NEU1: variants seen among roughly 807,000 people sequenced by gnomAD.
NEU1 encodes sialidase-1.
A neutral mutation model predicts 38.3 loss-of-function variants in NEU1; 32 were observed. That is an observed-to-expected ratio of 0.84 (90% CI 0.63 to 1.12). The LOEUF (loss-of-function observed/expected upper bound fraction) is 1.12, where lower values mean the gene tolerates loss of function less well. NEU1 is among the 50% of genes most tolerant of loss of function. The pLI is 0.00. For synonymous variants in NEU1, 192 were observed against 225.2 expected (o/e 0.85, Z 1.32); for missense variants, 431 against 549.2 (o/e 0.78, Z 2.15).
rs1263545300 is a variant in NEU1 at position 31,860,516 on chromosome 6, G to T, written c.721C>A (p.Arg241Ser). 1.2e-6 allele frequency: 2 copies of T among 1,614,026 alleles called. No homozygotes were observed. Among genetic ancestry groups the T allele is most frequent in the Non-Finnish European group, 1.7e-6 (2 of 1,180,002 alleles). The change falls in exon 4 of 6, where the codon CGC (arginine) becomes AGC (serine). Residue 241 changes from arginine to serine, a missense_variant. Transcript: ENST00000375631. This position sits in a 1 kb window ranked among gnomAD's most constrained non-coding sequence, Gnocchi z 4.8. ...LLSDDHGASW[R>S]YGSGVSGIPY... Reference sequence around the variant, plus strand: ...ATGCCGCTGACCCCACTTCCGTAGCGCCAGGAGGCACCATGATCATCGCTG... The same window carrying T: ...ATGCCGCTGACCCCACTTCCGTAGCTCCAGGAGGCACCATGATCATCGCTG...
rs746511053 is a variant in NEU1 at position 31,857,814 on chromosome 6, A to AC, written c.*1904dup. On this transcript the variant is annotated 3_prime_UTR_variant, in exon 6 of 6. Coordinates refer to ENST00000375631, the MANE Select transcript of NEU1 (RefSeq NM_000434.4). ...TCCCATCTGCATTTCACACACTTGCACCCTATTTCATGGAGGATGGTATCC... is the reference window on the plus strand; with the variant it reads ...TCCCATCTGCATTTCACACACTTGCACCCCTATTTCATGGAGGATGGTATCC... 1 of 151,908 alleles carries AC rather than the reference A, an allele frequency of 6.6e-6. No individual in the cohort carries two copies. Among genetic ancestry groups the AC allele is most frequent in the Non-Finnish European group, 1.5e-5 (1 of 67,996 alleles). The allele number at this position is 151,908 out of a possible 1,614,324, so 9.4% of individuals were successfully genotyped here.
In NEU1 at chr6:31,860,372, G is replaced by C; in HGVS notation, c.798+67C>G. 6.2e-7 allele frequency: 1 copy of C among 1,607,700 alleles called. No homozygotes were observed. The highest frequency in any genetic ancestry group is 8.5e-7 in the Non-Finnish European group (1 of 1,174,330). ...TGGAGCAGTCAGACCCTGGGTCTGT[G>C]CGTGAAATGATGTTCTGGAGGGCAG... On this transcript the variant is annotated intron_variant, in intron 4 of 5. Transcript: ENST00000375631. The surrounding 1 kb of genome is among the most constrained non-coding windows in gnomAD (Gnocchi z 4.8).
In NEU1 at chr6:31,860,988, G is replaced by A; in HGVS notation, c.615+200C>T. The A allele has an allele frequency of 2.8e-6, 2 of 707,268 alleles. No individual in the cohort carries two copies. Among genetic ancestry groups the A allele is most frequent in the African/African-American group, 1.8e-5 (1 of 55,968 alleles). 43.8% of individuals were successfully genotyped at this position (707,268 alleles called of 1,614,324 possible). A position where few individuals can be genotyped will look rare whatever the true frequency, so the allele number is the denominator to read the frequency against. On this transcript the variant is annotated intron_variant, in intron 3 of 5. Transcript: ENST00000375631. The surrounding 1 kb of genome is among the most constrained non-coding windows in gnomAD (Gnocchi z 4.8). ...GGACTAACGCAGTCCTGTTGACAAT[G>A]CCAAATGGGAAGCCAATGGCAGAGT...
Position 31,859,310 on chromosome 6 carries a change from C to G in NEU1, c.*409G>C, listed in dbSNP as rs1421151792. 15 of 360,186 alleles carry G rather than the reference C, an allele frequency of 4.2e-5. No individual in the cohort carries two copies. The East Asian group carries it at 7.4e-4, about 18-fold the overall frequency. 22.3% of individuals were successfully genotyped at this position (360,186 alleles called of 1,614,324 possible). A position where few individuals can be genotyped will look rare whatever the true frequency, so the allele number is the denominator to read the frequency against. On this transcript the variant is annotated 3_prime_UTR_variant, in exon 6 of 6. Transcript: ENST00000375631. ...ACTCTGAAACCAAATATCCTGCCATCTGGGGACTTTCACCAGCCCTGTCGG... is the reference window on the plus strand; with the variant it reads ...ACTCTGAAACCAAATATCCTGCCATGTGGGGACTTTCACCAGCCCTGTCGG...
intron 2 of NEU1, chr6:31,861,651 A>G: frequency 1.5e-6 from 1 of 666,432 alleles, no homozygotes; most frequent in African/African-American, 1.8e-5. Flanking sequence ...ACAGACAAAA[A>G]AGTTTACTTG....
At chr6:31,861,090 A>G (rs1762489094) in intron 3 of NEU1, 98 bp downstream of exon 3, 9 of 1,560,434 alleles carry the variant, frequency 5.8e-6, no homozygotes, top group Non-Finnish European at 7.9e-6. Flanking sequence ...AGAAAATCTG[A>G]CTTCAGAGAA....
Position 31,859,347 on chromosome 6 carries a change from C to A in NEU1, c.*372G>T, listed in dbSNP as rs1470870417. Reference sequence around the variant, plus strand: ...ACCAGCCCTGTCGGTTATCTTACCGCAACACCAAAGAGGAGGCTCAGCCTT... The same window carrying A: ...ACCAGCCCTGTCGGTTATCTTACCGAAACACCAAAGAGGAGGCTCAGCCTT... On this transcript the variant is annotated 3_prime_UTR_variant, in exon 6 of 6. Coordinates refer to ENST00000375631, the MANE Select transcript of NEU1 (RefSeq NM_000434.4). 6 of 412,626 alleles carry A rather than the reference C, an allele frequency of 1.5e-5. No individual in the cohort carries two copies. In the East Asian group the frequency reaches 3.0e-4, roughly 20 times the overall value. The allele number at this position is 412,626 out of a possible 1,614,324, so 25.6% of individuals were successfully genotyped here. A position where few individuals can be genotyped will look rare whatever the true frequency, so the allele number is the denominator to read the frequency against.
intron 3 of NEU1, 21 bp downstream of exon 3, chr6:31,861,167 C>T: frequency 1.2e-6 from 2 of 1,611,116 alleles, no homozygotes; most frequent in Non-Finnish European, 1.7e-6. Context: ...GCCCCCTCCA[C>T]CTATCTCCTA....
rs768711214 is a variant in NEU1 at position 31,862,732 on chromosome 6, C to T, written c.45G>A (p.Trp15Ter). 11 of 1,613,054 alleles carry T rather than the reference C, an allele frequency of 6.8e-6. No individual in the cohort carries two copies. The highest frequency in any genetic ancestry group is 9.3e-6 in the Non-Finnish European group (11 of 1,180,040). Residue 15 changes from tryptophan to a stop codon, truncating the protein, a stop_gained, in exon 1 of 6, where the codon TGG becomes TGA. Coordinates refer to ENST00000375631, the MANE Select transcript of NEU1 (RefSeq NM_000434.4). LOFTEE classifies it high-confidence loss of function. This position sits in a 1 kb window ranked among gnomAD's most constrained non-coding sequence, Gnocchi z 6.3. ...RPSTALPDRR[W>*]GPRILGFWGG... ...CCCAGAAGCCCAGAATCCGCGGCCC[C>T]CAGCGTCTGTCCGGGAGCGCCGTGC...
At position 31,860,042 on chromosome 6, in the gene NEU1, G is replaced by C. The variant is rs751458617; in HGVS notation, c.1021C>G (p.Arg341Gly). ...CTGACCCCACCCATGAGGCACTCAC[G>C]GAACTCTGGATGTGCTGGGTTGGAG... Reference protein sequence around the residue: ...FFSNPAHPEFRVNLTLRWSFS... With the variant: ...FFSNPAHPEFGVNLTLRWSFS... The change falls in exon 5 of 6, where the codon CGA becomes GGA. Residue 341 changes from arginine (R) to glycine (G), a missense_variant and splice_region_variant. Physicochemically the swap from Arg to Gly is moderately radical, Grantham distance 125 (BLOSUM62 -2). Coordinates refer to ENST00000375631, the MANE Select transcript of NEU1 (RefSeq NM_000434.4). The surrounding 1 kb of genome is among the most constrained non-coding windows in gnomAD (Gnocchi z 4.8). 31 of 1,612,808 alleles carry C rather than the reference G, an allele frequency of 1.9e-5. No homozygotes were observed. Among genetic ancestry groups the C allele is most frequent in the Non-Finnish European group, 2.6e-5 (31 of 1,180,014 alleles).
In NEU1 at chr6:31,862,323, G is replaced by A. The variant is rs1021125742; in HGVS notation, c.160-132C>T. 5.7e-6 allele frequency: 6 copies of A among 1,055,062 alleles called. No homozygotes were observed. In the East Asian group the frequency reaches 7.7e-5, roughly 14 times the overall value. 65.4% of individuals were successfully genotyped at this position (1,055,062 alleles called of 1,614,324 possible). A position where few individuals can be genotyped will look rare whatever the true frequency, so the allele number is the denominator to read the frequency against. ...GATGGGGTCCCAGAACAAGAAAGAG[G>A]AACACGAAGGGGAGTTTGGAGCGAA... is the stretch of plus-strand genomic sequence containing the variant. On this transcript the variant is annotated intron_variant, in intron 1 of 5. Coordinates refer to ENST00000375631, the MANE Select transcript of NEU1 (RefSeq NM_000434.4). The surrounding 1 kb of genome is among the most constrained non-coding windows in gnomAD (Gnocchi z 6.3).
chr6:31,860,091 G>A lies in NEU1; in HGVS notation c.972C>T (p.Val324=). ...VDPVVAAGAV[V]TSSGIVFFSN... The stretch of plus-strand genomic sequence containing the variant: ...AGAAGAAGACAATGCCGGAGCTGGT[G>A]ACTACAGCTCCTGCAGCTACCACAG... The change falls in exon 5 of 6, where the codon GTC becomes GTT. Residue 324 remains valine (V), a synonymous_variant. Transcript: ENST00000375631. This position sits in a 1 kb window ranked among gnomAD's most constrained non-coding sequence, Gnocchi z 4.8. 6.2e-7 allele frequency: 1 copy of A among 1,613,044 alleles called. No individual in the cohort carries two copies. The highest frequency in any genetic ancestry group is 8.5e-7 in the Non-Finnish European group (1 of 1,180,024).
At chr6:31,861,067 T>C in intron 3 of NEU1, 121 bp downstream of exon 3, 1 of 1,441,764 alleles carries the variant, frequency 6.9e-7, no homozygotes, top group Non-Finnish European at 9.6e-7. Flanking sequence ...TTTCAAGGAA[T>C]CCCACCCAAG....
At position 31,860,721 on chromosome 6, in the gene NEU1, CCCCTTGAGTTCAG is replaced by C. The variant is rs1223940591; in HGVS notation, c.616-113_616-101del. On this transcript the variant is annotated intron_variant, in intron 3 of 5. Transcript: ENST00000375631. The surrounding 1 kb of genome is among the most constrained non-coding windows in gnomAD (Gnocchi z 4.8). ...TCCCAAATGCAATCACATGTATGGT[CCCCTTGAGTTCAG>C]CCCTTGCTCACTGAGGGTTCCAGTC... The C allele has an allele frequency of 1.2e-5, 16 of 1,330,756 alleles. No individual in the cohort carries two copies. In the African/African-American group the frequency reaches 2.3e-4, roughly 19 times the overall value. 82.4% of individuals were successfully genotyped at this position (1,330,756 alleles called of 1,614,324 possible).
In NEU1 at chr6:31,862,292, GT is replaced by G; in HGVS notation, c.160-102del. Reference sequence around the variant, plus strand: ...AGGGAGGATCTAATGGGGATCCCGAGTAGGGGATGGGGTCCCAGAACAAGAA... The same window carrying G: ...AGGGAGGATCTAATGGGGATCCCGAGAGGGGATGGGGTCCCAGAACAAGAA... On this transcript the variant is annotated intron_variant, in intron 1 of 5. Coordinates refer to ENST00000375631, the MANE Select transcript of NEU1 (RefSeq NM_000434.4). This position sits in a 1 kb window ranked among gnomAD's most constrained non-coding sequence, Gnocchi z 6.3. 1 of 1,265,144 alleles carries G rather than the reference GT, an allele frequency of 7.9e-7. No individual in the cohort carries two copies. The highest frequency in any genetic ancestry group is 1.1e-6 in the Non-Finnish European group (1 of 883,840). The allele number at this position is 1,265,144 out of a possible 1,614,324, so 78.4% of individuals were successfully genotyped here.
chr6:31,860,147 C>T lies in NEU1; in HGVS notation c.916G>A (p.Asp306Asn). ...YDACDTLRPR[D>N]VTFDPELVDP... is the part of the protein sequence containing the mutation. Reference sequence around the variant, plus strand: ...ACGAGCTCAGGGTCGAAGGTCACATCACGGGGCCTTAGTGTATCACAGGCA... The same window carrying T: ...ACGAGCTCAGGGTCGAAGGTCACATTACGGGGCCTTAGTGTATCACAGGCA... Residue 306 changes from aspartate to asparagine, a missense_variant, in exon 5 of 6, where the codon GAT becomes AAT. Physicochemically the swap from Asp to Asn is conservative, Grantham distance 23 (BLOSUM62 1). Coordinates refer to ENST00000375631, the MANE Select transcript of NEU1 (RefSeq NM_000434.4). This position sits in a 1 kb window ranked among gnomAD's most constrained non-coding sequence, Gnocchi z 4.8. The T allele has an allele frequency of 6.2e-7, 1 of 1,613,026 alleles. No individual in the cohort carries two copies. The highest frequency in any genetic ancestry group is 8.5e-7 in the Non-Finnish European group (1 of 1,180,018).
At position 31,859,620 on chromosome 6, in the gene NEU1, T is replaced by A; in HGVS notation, c.*99A>T. 8.4e-7 allele frequency: 1 copy of A among 1,194,060 alleles called. No individual in the cohort carries two copies. The highest frequency in any genetic ancestry group is 2.4e-5 in the East Asian group (1 of 42,210). The allele number at this position is 1,194,060 out of a possible 1,614,324, so 74.0% of individuals were successfully genotyped here. ...GCCAAGGCTGGAGTCTAAAGGAAGA[T>A]GGAACTGTCTTTCAGGCGTCTCCAG... On this transcript the variant is annotated 3_prime_UTR_variant, in exon 6 of 6. Coordinates refer to ENST00000375631, the MANE Select transcript of NEU1 (RefSeq NM_000434.4).
rs1267496102 is a variant in NEU1, at chr6:31,861,586, C to T, written c.353-136G>A. On this transcript the variant is annotated intron_variant, in intron 2 of 5. Transcript: ENST00000375631. ...CCCAGGGTGCAATCCAACACTTGCA[C>T]TATCTATACCTCTTGTCCTGTTTTA... 5 of 985,636 alleles carry T rather than the reference C, an allele frequency of 5.1e-6. No individual in the cohort carries two copies. In the African/African-American group the frequency reaches 6.5e-5, roughly 13 times the overall value. 61.1% of individuals were successfully genotyped at this position (985,636 alleles called of 1,614,324 possible).
At position 31,860,680 on chromosome 6, in the gene NEU1, C is replaced by T. The variant is rs1762477201; in HGVS notation, c.616-59G>A. The stretch of plus-strand genomic sequence containing the variant: ...GACTCTAGGGGCTCAGAGGCAGGGA[C>T]AGAGAACCCACCACTTCCCAAATGC... On this transcript the variant is annotated intron_variant, in intron 3 of 5. Coordinates refer to ENST00000375631, the MANE Select transcript of NEU1 (RefSeq NM_000434.4). This position sits in a 1 kb window ranked among gnomAD's most constrained non-coding sequence, Gnocchi z 4.8. 6.3e-7 allele frequency: 1 copy of T among 1,590,292 alleles called. No homozygotes were observed. The highest frequency in any genetic ancestry group is 1.3e-5 in the African/African-American group (1 of 74,524).
Sources: gnomAD v4.1 joint callset for allele counts on GRCh38, gnomAD v4.1.1 for gene constraint, Gnocchi (gnomAD v3.1) non-coding constraint, MANE v1.5 for transcripts, NCBI Gene and HGNC (gene_info 2026-07-23, HGNC 2026-07-21) for gene names.